The following ZMYM4 variants were observed in gnomAD, a reference collection of about 807,000 sequenced individuals.
ZMYM4 encodes the protein zinc finger MYM-type containing 4.
ZMYM4 carries 31 observed loss-of-function variants against 183.2 expected under a neutral mutation model. The observed-to-expected ratio is 0.17, with a 90% CI of 0.13 to 0.23. The LOEUF is 0.23. Among genes scored for constraint, ZMYM4 ranks in the 10% least tolerant of loss-of-function variants. The pLI is 1.00. For synonymous variants in ZMYM4, 592 were observed against 631.2 expected (o/e 0.94, Z 0.93); for missense variants, 1,273 against 1,840.3 (o/e 0.69, Z 5.64).
intron 2 of ZMYM4, chr1:35,351,605 TA>T: frequency 1.5e-6 from 1 of 679,790 alleles, no homozygotes; most frequent in Non-Finnish European, 2.6e-6. Context: ...TGCTGAGAGC[TA>T]AACCAAACAA....
At chr1:35,377,762 G>A (rs1644366301) in intron 7 of ZMYM4, among the ~76,000 whole-genome samples, 2 of 152,200 alleles carry the variant, frequency 1.3e-5, no homozygotes, top group African/African-American at 2.4e-5. Flanking sequence ...TTGTTTCAAT[G>A]TTGATGGCTG....
At chr1:35,325,485 C>T (rs1642466378) in intron 2 of ZMYM4, 80 bp downstream of exon 2, 7 of 1,415,394 alleles carry the variant, frequency 4.9e-6, no homozygotes. Context: ...TTAACTATTA[C>T]AGTGTTTAGT....
At chr1:35,301,741 T>C (rs978483428) in intron 1 of ZMYM4, among the ~76,000 whole-genome samples, 4 of 152,162 alleles carry the variant, frequency 2.6e-5, no homozygotes, top group Non-Finnish European at 5.9e-5. Flanking sequence ...TGCAGATCTC[T>C]GAACTTCTCA....
At chr1:35,343,418 AT>A (rs747808830) in intron 2 of ZMYM4, among the ~76,000 whole-genome samples, 79 of 149,626 alleles carry the variant, frequency 5.3e-4, no homozygotes, top group African/African-American at 1.4e-3. Context: ...TTTATTGAAG[AT>A]TTTTTTTTTG....
chr1:35,303,109 C>A (rs1347865096), intron 1 of ZMYM4, among the ~76,000 whole-genome samples: 153 of 139,898 alleles, frequency 1.1e-3, no homozygotes, highest in South Asian at 5.1e-3. Flanking sequence ...AAAAAAAAAA[C>A]AAAAAAACCT....
chr1:35,281,716 T>G (rs1248932925), intron 1 of ZMYM4, among the ~76,000 whole-genome samples: 2 of 151,878 alleles, frequency 1.3e-5, no homozygotes, highest in East Asian at 3.9e-4. Context: ...TTTAAGTGTA[T>G]AATTCAGTGG....
At chr1:35,282,980 G>GGTT (rs1640256059) in intron 1 of ZMYM4, among the ~76,000 whole-genome samples, 2 of 26,224 alleles carry the variant, frequency 7.6e-5, no homozygotes, top group Non-Finnish European at 1.2e-4. Flanking sequence ...TGTGTGTGTG[G>GGTT]TTTTTTTTTT....
At chr1:35,367,394 G>T (rs1461526749) in intron 5 of ZMYM4, among the ~76,000 whole-genome samples, 1 of 151,568 alleles carries the variant, frequency 6.6e-6, no homozygotes, top group Non-Finnish European at 1.5e-5. Flanking sequence ...ACACCCCGCT[G>T]ATTTCTGTAA....
chr1:35,385,708 T>C (rs1644560905), intron 10 of ZMYM4, 116 bp downstream of exon 10: 3 of 1,239,890 alleles, frequency 2.4e-6, no homozygotes, highest in Admixed American at 3.5e-5. Flanking sequence ...ATTTCAGATA[T>C]TTGTTGTAAA....
At chr1:35,335,825 C>T (rs1174484302) in intron 2 of ZMYM4, among the ~76,000 whole-genome samples, 2 of 151,962 alleles carry the variant, frequency 1.3e-5, no homozygotes, top group African/African-American at 2.4e-5. Flanking sequence ...TGATGGCAGG[C>T]GCATGTAGTC....
chr1:35,309,403 C>G (rs1185268497), intron 1 of ZMYM4, among the ~76,000 whole-genome samples: 1 of 151,962 alleles, frequency 6.6e-6, no homozygotes, highest in Non-Finnish European at 1.5e-5. Flanking sequence ...TAGATTTGTT[C>G]CTTAGACTTG....
At chr1:35,345,351 T>C in intron 2 of ZMYM4, among the ~76,000 whole-genome samples, 1 of 152,212 alleles carries the variant, frequency 6.6e-6, no homozygotes. Flanking sequence ...GACCTCCAGT[T>C]GTTTATAATA....
intron 1 of ZMYM4, among the ~76,000 whole-genome samples, chr1:35,313,390 CTTT>C (rs36112055): frequency 7.6e-6 from 1 of 131,570 alleles, no homozygotes. Context: ...TTTTCTTTTT[CTTT>C]TTTTTTTTTT....
At position 35,334,330 on chromosome 1, in the gene ZMYM4, A is replaced by G. The variant is rs1407828881; in HGVS notation, c.85+8925A>G. On this transcript the variant is annotated intron_variant, in intron 2 of 29. Coordinates refer to ENST00000314607, the MANE Select transcript of ZMYM4 (RefSeq NM_005095.3). ...AGAGACCTTCTTTCTAAAAAATAAA[A>G]AAGCACTTTAATACCTCACATTTCC... Among the ~76,000 whole-genome samples, 3 of 152,276 alleles carry G rather than the reference A, an allele frequency of 2.0e-5. No homozygotes were observed. In the East Asian group the frequency reaches 5.8e-4, roughly 29 times the overall value.
chr1:35,352,119 C>T lies in ZMYM4; in HGVS notation c.86-6806C>T, dbSNP rs553259469. 3.2e-4 allele frequency among the ~76,000 whole-genome samples: 48 copies of T among 152,262 alleles called. 1 individual carries two copies. The highest frequency in any genetic ancestry group is 9.2e-4 in the Admixed American group (14 of 15,280). The stretch of plus-strand genomic sequence containing the variant: ...TTATAAAAAACCACAAGTAAATAGG[C>T]TGGGTACAGTGACTTGCACCTATAA... On this transcript the variant is annotated intron_variant, in intron 2 of 29. Transcript: ENST00000314607.
At chr1:35,368,585 G>A (rs938882208) in intron 5 of ZMYM4, among the ~76,000 whole-genome samples, 1 of 152,082 alleles carries the variant, frequency 6.6e-6, no homozygotes, top group Non-Finnish European at 1.5e-5. Flanking sequence ...AATTACTGGA[G>A]TAAATATAAT....
intron 1 of ZMYM4, among the ~76,000 whole-genome samples, chr1:35,297,482 A>C (rs189041770): frequency 7.0e-4 from 107 of 151,952 alleles, no homozygotes; most frequent in African/African-American, 2.4e-3. Flanking sequence ...TTGTCACAAA[A>C]AAAAAAAAAA....
intron 1 of ZMYM4, among the ~76,000 whole-genome samples, chr1:35,302,259 G>C (rs973168401): frequency 7.1e-6 from 1 of 141,820 alleles, no homozygotes; most frequent in African/African-American, 2.8e-5. Flanking sequence ...TCAGGCTGGG[G>C]TGCAGTGGCA....
At chr1:35,397,714 G>T (rs1644834952) in intron 20 of ZMYM4, among the ~76,000 whole-genome samples, 169 bp downstream of exon 20, 1 of 152,038 alleles carries the variant, frequency 6.6e-6, no homozygotes, top group Non-Finnish European at 1.5e-5. Flanking sequence ...AGCTCTTATT[G>T]TTTTTATGAA....
Sources: gnomAD v4.1 joint callset for allele counts (sites outside exome capture counted in the v4.1 genomes callset) on GRCh38, gnomAD v4.1.1 for gene constraint, MANE v1.5 for transcripts, NCBI Gene and HGNC (gene_info 2026-07-23, HGNC 2026-07-21) for gene names.